The following CCL28 variants were observed in gnomAD, a reference collection of about 807,000 sequenced individuals.
CCL28 encodes C-C motif chemokine ligand 28.
CCL28 carries 4 observed loss-of-function variants against 7.1 expected under a neutral mutation model. The ratio of observed to expected loss-of-function variants is 0.56; its 90% confidence interval spans 0.28 to 1.29. CCL28 has a LOEUF of 1.29. Among genes scored for constraint, CCL28 ranks in the 50% most tolerant of loss-of-function variants. The probability of loss-of-function intolerance (pLI) is 0.11; values close to 1 mark genes in which losing one functional copy is unlikely to be tolerated. For synonymous variants in CCL28, 55 were observed against 57.8 expected (o/e 0.95, Z 0.22); for missense variants, 151 against 163.4 (o/e 0.92, Z 0.41).
At chr5:43,386,861 G>A (rs975911436) in intron 2 of CCL28, among the ~76,000 whole-genome samples, 5 of 152,176 alleles carry the variant, frequency 3.3e-5, no homozygotes, top group Non-Finnish European at 5.9e-5. Flanking sequence ...AAGATGATCT[G>A]CAGAACCCAG....
intron 2 of CCL28, among the ~76,000 whole-genome samples, chr5:43,383,605 T>A (rs556315939): frequency 2.6e-5 from 4 of 152,184 alleles, no homozygotes; most frequent in African/African-American, 9.6e-5. Flanking sequence ...ACAGCCTAAT[T>A]CTCACTATGG....
the CCL28 span, among the ~76,000 whole-genome samples, chr5:43,363,483 A>C: frequency 1.3e-5 from 2 of 152,222 alleles, no homozygotes; most frequent in African/African-American, 2.4e-5. Flanking sequence ...TGGGAAGCAC[A>C]TAGGCTCAGA....
At chr5:43,364,697 CTT>C in the CCL28 span, among the ~76,000 whole-genome samples, 1 of 152,108 alleles carries the variant, frequency 6.6e-6, no homozygotes, top group Non-Finnish European at 1.5e-5. Flanking sequence ...GTCTAAGTCT[CTT>C]TGTAGGTCTC....
At chr5:43,371,188 C>G in the CCL28 span, among the ~76,000 whole-genome samples, 1 of 152,222 alleles carries the variant, frequency 6.6e-6, no homozygotes, top group Non-Finnish European at 1.5e-5. Context: ...ACATTACTAG[C>G]ATCCCCAAAT....
the CCL28 span, among the ~76,000 whole-genome samples, chr5:43,359,991 A>G: frequency 6.6e-6 from 1 of 152,188 alleles, no homozygotes; most frequent in African/African-American, 2.4e-5. Context: ...ATAAAAACTC[A>G]GGATTCAGGG....
intron 1 of CCL28, among the ~76,000 whole-genome samples, chr5:43,406,180 C>T (rs1166416064): frequency 6.6e-6 from 1 of 152,054 alleles, no homozygotes; most frequent in African/African-American, 2.4e-5. Flanking sequence ...CAAAGCCTGA[C>T]AGAGACACAA....
At chr5:43,360,892 A>G in the CCL28 span, among the ~76,000 whole-genome samples, 1 of 152,118 alleles carries the variant, frequency 6.6e-6, no homozygotes, top group Non-Finnish European at 1.5e-5. Context: ...AAGTAAACAC[A>G]TGCCATGGTG....
At chr5:43,372,961 C>T (rs368894544), downstream of CCL28, among the ~76,000 whole-genome samples, 16 of 151,396 alleles carry the variant, frequency 1.1e-4, no homozygotes, top group African/African-American at 3.1e-4. Context: ...CCACCACGCC[C>T]GGCTAATTTT....
chr5:43,363,750 T>G, the CCL28 span, among the ~76,000 whole-genome samples: 1 of 152,312 alleles, frequency 6.6e-6, no homozygotes, highest in African/African-American at 2.4e-5. Context: ...TTGGTACCTC[T>G]TTCCCAAAAA....
chr5:43,362,088 G>A, the CCL28 span, among the ~76,000 whole-genome samples: 2 of 152,144 alleles, frequency 1.3e-5, no homozygotes, highest in African/African-American at 4.8e-5. Context: ...GCTTTGGGCA[G>A]TATGACCATT....
chr5:43,386,633 C>A lies in CCL28; in HGVS notation c.191+1717G>T, dbSNP rs576641231. ...TTGAGAATCTTATAAAACCTATGGA[C>A]CCTCTAAAAATGCTCACAGGTTCAT... On this transcript the variant is annotated intron_variant, in intron 2 of 2. Coordinates refer to ENST00000361115, the MANE Select transcript of CCL28 (RefSeq NM_148672.3). Among the ~76,000 whole-genome samples, 147 of 152,296 alleles carry A rather than the reference C, an allele frequency of 9.7e-4. 2 individuals carry two copies. The South Asian group carries it at 0.03, about 31-fold the overall frequency.
chr5:43,361,236 G>T, the CCL28 span, among the ~76,000 whole-genome samples: 2 of 152,156 alleles, frequency 1.3e-5, no homozygotes, highest in Non-Finnish European at 2.9e-5. Context: ...GGGCATTTAG[G>T]TTGATGCCAT....
intron 1 of CCL28, among the ~76,000 whole-genome samples, chr5:43,404,266 G>A (rs1741170486): frequency 1.3e-5 from 2 of 152,252 alleles, no homozygotes; most frequent in South Asian, 2.1e-4. Flanking sequence ...GAGAAAGGTC[G>A]GGTTACCCAC....
intron 1 of CCL28, among the ~76,000 whole-genome samples, chr5:43,406,308 T>C (rs930123971): frequency 9.9e-5 from 15 of 152,034 alleles, no homozygotes; most frequent in Admixed American, 4.6e-4. Flanking sequence ...CATGATCAAG[T>C]GGGCTTCATC....
downstream of CCL28, among the ~76,000 whole-genome samples, chr5:43,378,906 AG>A (rs1229507275): frequency 6.6e-6 from 1 of 152,174 alleles, no homozygotes; most frequent in Non-Finnish European, 1.5e-5. Context: ...GATTGCAGTG[AG>A]CCGAGATTGC....
intron 1 of CCL28, among the ~76,000 whole-genome samples, chr5:43,396,453 A>G (rs1290240064): frequency 6.6e-6 from 1 of 152,162 alleles, no homozygotes; most frequent in African/African-American, 2.4e-5. Context: ...CTATTTTAAG[A>G]TGGGAGTTGC....
rs1740021877 is a variant in CCL28 at position 43,379,569 on chromosome 5, G to C, written c.*2291C>G. The stretch of plus-strand genomic sequence containing the variant: ...GCTAAATAGTCAATGAGGGATATTA[G>C]GCAAAGGCCAGTTTTGGTGGCATTT... On this transcript the variant is annotated 3_prime_UTR_variant, in exon 3 of 3. Transcript: ENST00000361115. 6.6e-6 allele frequency: 1 copy of C among 152,158 alleles called. No individual in the cohort carries two copies. Among genetic ancestry groups the C allele is most frequent in the African/African-American group, 2.4e-5 (1 of 41,426 alleles). 9.4% of individuals were successfully genotyped at this position (152,158 alleles called of 1,614,324 possible).
At chr5:43,401,745 T>C (rs576159841) in intron 1 of CCL28, among the ~76,000 whole-genome samples, 7 of 152,350 alleles carry the variant, frequency 4.6e-5, no homozygotes, top group African/African-American at 1.7e-4. Flanking sequence ...CATTAAATGT[T>C]TGTGGAATGT....
At chr5:43,386,518 A>G (rs998242994) in intron 2 of CCL28, among the ~76,000 whole-genome samples, 2 of 152,192 alleles carry the variant, frequency 1.3e-5, no homozygotes, top group Non-Finnish European at 2.9e-5. Context: ...AAAGACACTC[A>G]TGCTTAATAC....
Sources: gnomAD v4.1 joint callset for allele counts (sites outside exome capture counted in the v4.1 genomes callset) on GRCh38, gnomAD v4.1.1 for gene constraint, MANE v1.5 for transcripts, NCBI Gene and HGNC (gene_info 2026-07-23, HGNC 2026-07-21) for gene names.